POC5: variants seen among roughly 807,000 people sequenced by gnomAD.
The protein encoded by POC5 is POC5 centriolar protein.
Under a neutral mutation model 62.9 loss-of-function variants are expected in POC5, and 48 were observed. The observed-to-expected ratio is 0.76, with a 90% confidence interval of 0.61 to 0.97. The LOEUF (loss-of-function observed/expected upper bound fraction) is 0.97. Ranked by LOEUF, POC5 falls within the 50% of genes least tolerant of loss-of-function variation. The probability of loss-of-function intolerance (pLI) is 0.00; values close to 1 mark genes in which losing one functional copy is unlikely to be tolerated. For synonymous variants in POC5, 236 were observed against 228.2 expected, an observed-to-expected ratio of 1.03 and a Z score of -0.31; for missense variants, 696 against 679.5, an observed-to-expected ratio of 1.02 and a Z score of -0.27.
chr5:75,695,260 C>T (rs914313810), intron 5 of POC5, among the ~76,000 whole-genome samples: 1 of 152,142 alleles, frequency 6.6e-6, no homozygotes, highest in South Asian at 2.1e-4. Context: ...AGAGTTGATA[C>T]TTGTTTTCCC....
At chr5:75,695,286 G>C (rs915880584) in intron 5 of POC5, among the ~76,000 whole-genome samples, 2 of 152,138 alleles carry the variant, frequency 1.3e-5, no homozygotes, top group East Asian at 3.8e-4. Context: ...ATTTATCACA[G>C]ATTATTATCT....
intron 2 of POC5, among the ~76,000 whole-genome samples, chr5:75,710,149 T>C (rs551474849): frequency 1.2e-4 from 19 of 152,154 alleles, no homozygotes; most frequent in Non-Finnish European, 2.2e-4. Flanking sequence ...AGAGAAGGGA[T>C]TGGGTCCTCA....
In POC5 at chr5:75,704,330, G is replaced by C. The variant is rs930276714; in HGVS notation, c.307+1374C>G. Among the ~76,000 whole-genome samples, 6 of 152,106 alleles carry C rather than the reference G, an allele frequency of 3.9e-5. No individual in the cohort carries two copies. The South Asian group carries it at 1.2e-3, about 32-fold the overall frequency. ...GAAGGAAAGATGAATCTATGATAGA[G>C]AACTTGTTACTTAAATCTTTCAAGA... On this transcript the variant is annotated intron_variant, in intron 4 of 11. Coordinates refer to ENST00000428202, the MANE Select transcript of POC5 (RefSeq NM_001099271.2).
At chr5:75,713,659 T>G (rs1268989766) in intron 1 of POC5, among the ~76,000 whole-genome samples, 3 of 152,044 alleles carry the variant, frequency 2.0e-5, no homozygotes, top group African/African-American at 7.2e-5. Flanking sequence ...AGTAGAGAGA[T>G]AGGAGTAGCT....
intron 10 of POC5, among the ~76,000 whole-genome samples, chr5:75,684,659 G>A (rs964688956): frequency 6.6e-5 from 10 of 151,922 alleles, no homozygotes; most frequent in Non-Finnish European, 8.8e-5. Flanking sequence ...CACCGCGCCC[G>A]GCTCCTACAT....
chr5:75,704,488 G>A (rs1054341995), intron 4 of POC5, among the ~76,000 whole-genome samples: 1 of 152,122 alleles, frequency 6.6e-6, no homozygotes, highest in African/African-American at 2.4e-5. Context: ...CAAGGTCTGG[G>A]CTAGTCATAC....
chr5:75,713,614 T>G (rs1777436827), intron 1 of POC5, among the ~76,000 whole-genome samples: 1 of 152,210 alleles, frequency 6.6e-6, no homozygotes, highest in African/African-American at 2.4e-5. Context: ...GACTGATGAA[T>G]AAACTGCTGA....
intron 1 of POC5, 39 bp downstream of exon 1, chr5:75,717,267 T>TGCAGGGAC (rs1481613436): frequency 1.3e-5 from 2 of 152,256 alleles, no homozygotes; most frequent in Non-Finnish European, 2.9e-5. Context: ...TCGCCAGGGA[T>TGCAGGGAC]GCAGGGACGC....
intron 10 of POC5, among the ~76,000 whole-genome samples, chr5:75,684,111 C>A (rs1458441750): frequency 6.6e-6 from 1 of 152,128 alleles, no homozygotes; most frequent in Non-Finnish European, 1.5e-5. Context: ...TAGCAGCTCA[C>A]TGATTCTAGG....
chr5:75,675,432 G>A (rs1197555980), intron 11 of POC5, among the ~76,000 whole-genome samples: 1 of 152,062 alleles, frequency 6.6e-6, no homozygotes, highest in Non-Finnish European at 1.5e-5. Context: ...AATAGTTTAA[G>A]TAAAATTACA....
chr5:75,677,647 GA>G, intron 11 of POC5, 126 bp downstream of exon 11: 4 of 630,516 alleles, frequency 6.3e-6, no homozygotes, highest in Non-Finnish European at 9.1e-6. Context: ...ACTGTAACAG[GA>G]AAAGGCAGAA....
At chr5:75,705,597 C>A in intron 4 of POC5, 107 bp downstream of exon 4, 2 of 631,690 alleles carry the variant, frequency 3.2e-6, no homozygotes, top group Non-Finnish European at 5.0e-6. Flanking sequence ...TTTTAAAATC[C>A]TGCTAATAAA....
chr5:75,716,383 T>TCG (rs1347540875), intron 1 of POC5, among the ~76,000 whole-genome samples: 2 of 50,360 alleles, frequency 4.0e-5, no homozygotes, highest in African/African-American at 1.4e-4. Flanking sequence ...GTAACAGGGG[T>TCG]GGGGGGGGGG....
intron 5 of POC5, among the ~76,000 whole-genome samples, chr5:75,699,403 G>T (rs572428806): frequency 6.6e-5 from 10 of 152,136 alleles, no homozygotes; most frequent in Admixed American, 5.9e-4. Context: ...GGGATGCAAG[G>T]CTGGTTCAAT....
chr5:75,675,588 CTTCTT>C (rs917655986), intron 11 of POC5, among the ~76,000 whole-genome samples: 1 of 152,152 alleles, frequency 6.6e-6, no homozygotes, highest in African/African-American at 2.4e-5. Context: ...AGAAAAATAA[CTTCTT>C]TTCTTAAAGT....
At chr5:75,712,739 A>G (rs976963358) in intron 2 of POC5, 115 bp downstream of exon 2, 2 of 836,652 alleles carry the variant, frequency 2.4e-6, no homozygotes, top group Non-Finnish European at 3.8e-6. Flanking sequence ...ATTATTATAA[A>G]TTGAAAAACT....
At chr5:75,691,780 T>G (rs1776348292) in intron 7 of POC5, among the ~76,000 whole-genome samples, 2 of 152,294 alleles carry the variant, frequency 1.3e-5, no homozygotes, top group African/African-American at 4.8e-5. Flanking sequence ...ATACTCATAC[T>G]TTTCCACTTT....
chr5:75,694,185 A>G lies in POC5; in HGVS notation c.690+470T>C, dbSNP rs190778104. On this transcript the variant is annotated intron_variant, in intron 6 of 11. Transcript: ENST00000428202. ...AACATAGCAAGACCCTGTTTCAAAA[A>G]GAGAGAGATTAAAAAAAGAATGTGA... is the stretch of plus-strand genomic sequence containing the variant. 2.0e-3 allele frequency among the ~76,000 whole-genome samples: 311 copies of G among 152,232 alleles called. 2 individuals are homozygous for G. Among genetic ancestry groups the G allele is most frequent in the Non-Finnish European group, 1.4e-3 (94 of 68,008 alleles).
At chr5:75,691,302 T>C (rs1316234739) in intron 7 of POC5, among the ~76,000 whole-genome samples, 1 of 152,116 alleles carries the variant, frequency 6.6e-6, no homozygotes, top group Admixed American at 6.5e-5. Flanking sequence ...ATTAAAAAAA[T>C]GAAAAATCCA....
Sources: gnomAD v4.1 joint callset for allele counts (sites outside exome capture counted in the v4.1 genomes callset) on GRCh38, gnomAD v4.1.1 for gene constraint, MANE v1.5 for transcripts, NCBI Gene and HGNC (gene_info 2026-07-23, HGNC 2026-07-21) for gene names.